CADPS2: variants seen among roughly 807,000 people sequenced by gnomAD.
CADPS2 encodes the protein calcium-dependent secretion activator 2.
CADPS2 carries 93 observed loss-of-function variants against 172.5 expected under a neutral mutation model. The ratio of observed to expected loss-of-function variants is 0.54; its 90% CI spans 0.46 to 0.64. The LOEUF (loss-of-function observed/expected upper bound fraction) is 0.64. Among genes scored for constraint, CADPS2 ranks in the 30% least tolerant of loss-of-function variants. CADPS2 has a pLI of 0.00. For synonymous variants in CADPS2, 546 were observed against 555.2 expected, an observed-to-expected ratio of 0.98 and a Z score of 0.23; for missense variants, 1,420 against 1,565.9, an observed-to-expected ratio of 0.91 and a Z score of 1.57.
At chr7:122,523,226 A>C (rs2060951448) in intron 8 of CADPS2, among the ~76,000 whole-genome samples, 1 of 152,174 alleles carries the variant, frequency 6.6e-6, no homozygotes, top group Non-Finnish European at 1.5e-5. Flanking sequence ...TATCTTCTCC[A>C]GCATTTTACA....
intron 1 of CADPS2, among the ~76,000 whole-genome samples, chr7:122,812,480 GC>G (rs571479821): frequency 7.2e-5 from 11 of 151,750 alleles, no homozygotes; most frequent in Non-Finnish European, 1.5e-4. Context: ...AGAGGCTCTG[GC>G]CCAGCAGCTA....
At chr7:122,585,552 T>C (rs1416796538) in intron 6 of CADPS2, 1 of 151,796 alleles carries the variant, frequency 6.6e-6, no homozygotes, top group Non-Finnish European at 1.5e-5. Flanking sequence ...TTCTACTTAA[T>C]TGGCATATTT....
At chr7:122,832,626 T>C (rs1806927049) in intron 1 of CADPS2, among the ~76,000 whole-genome samples, 1 of 152,222 alleles carries the variant, frequency 6.6e-6, no homozygotes, top group Non-Finnish European at 1.5e-5. Flanking sequence ...AGTAATGTTG[T>C]CTGGCTTTAC....
chr7:122,397,397 G>A (rs952605821), intron 20 of CADPS2, among the ~76,000 whole-genome samples: 1 of 142,806 alleles, frequency 7.0e-6, no homozygotes, highest in Non-Finnish European at 1.5e-5. Context: ...AGAGAAAGGG[G>A]AAGGAGGGAG....
chr7:122,323,539 T>C (rs1291301004), intron 29 of CADPS2, among the ~76,000 whole-genome samples: 3 of 151,996 alleles, frequency 2.0e-5, no homozygotes, highest in Non-Finnish European at 4.4e-5. Flanking sequence ...TATATAAAAA[T>C]TTTTACTTTT....
At chr7:122,479,670 T>A (rs916059223) in intron 12 of CADPS2, among the ~76,000 whole-genome samples, 7 of 152,156 alleles carry the variant, frequency 4.6e-5, no homozygotes, top group South Asian at 2.1e-4. Flanking sequence ...ACAATTTTGA[T>A]CAACACAGAA....
intron 11 of CADPS2, among the ~76,000 whole-genome samples, chr7:122,487,230 G>A (rs547110810): frequency 4.0e-5 from 6 of 151,664 alleles, no homozygotes; most frequent in Non-Finnish European, 5.9e-5. Flanking sequence ...GTCTGGTCTC[G>A]AACTCCTGAA....
intron 28 of CADPS2, among the ~76,000 whole-genome samples, chr7:122,325,850 C>T (rs2033728760): frequency 6.6e-6 from 1 of 151,962 alleles, no homozygotes; most frequent in African/African-American, 2.4e-5. Flanking sequence ...AGTGTTTTTG[C>T]ACTTTGCAGC....
intron 2 of CADPS2, among the ~76,000 whole-genome samples, chr7:122,682,317 C>A (rs1006102567): frequency 2.0e-5 from 3 of 152,166 alleles, no homozygotes; most frequent in Admixed American, 6.5e-5. Flanking sequence ...AGCTTCTACA[C>A]GTAGCCACAA....
At position 122,747,806 on chromosome 7, in the gene CADPS2, G is replaced by A. The variant is rs62483578; in HGVS notation, c.340-10738C>T. ...CCTCCCCATTTACCTTCAAAACGCC[G>A]TCCCATTCATGTTGTTTATGTCATT... is the stretch of plus-strand genomic sequence containing the variant. On this transcript the variant is annotated intron_variant, in intron 1 of 29. Coordinates refer to ENST00000449022, the MANE Select transcript of CADPS2 (RefSeq NM_017954.11). Among the ~76,000 whole-genome samples, 452 of 149,908 alleles carry A rather than the reference G, an allele frequency of 3.0e-3. 1 individual carries two copies. The highest frequency in any genetic ancestry group is 4.7e-3 in the Non-Finnish European group (321 of 67,786).
At chr7:122,571,845 T>C (rs979045345) in intron 7 of CADPS2, among the ~76,000 whole-genome samples, 6 of 152,164 alleles carry the variant, frequency 3.9e-5, no homozygotes, top group African/African-American at 1.4e-4. Flanking sequence ...AGTTTATAAG[T>C]AGTTATCATG....
chr7:122,509,631 A>G (rs1310709063), intron 9 of CADPS2, among the ~76,000 whole-genome samples: 1 of 152,172 alleles, frequency 6.6e-6, no homozygotes, highest in East Asian at 1.9e-4. Flanking sequence ...TTGTCTTCAG[A>G]TGAACTGTAG....
intron 1 of CADPS2, among the ~76,000 whole-genome samples, chr7:122,790,355 C>T (rs1234424416): frequency 8.2e-5 from 12 of 146,258 alleles, no homozygotes; most frequent in East Asian, 2.0e-4. Context: ...GGTATGATTG[C>T]GTCACTGCAT....
chr7:122,464,589 G>A (rs557102327), intron 14 of CADPS2, among the ~76,000 whole-genome samples: 16 of 152,042 alleles, frequency 1.1e-4, no homozygotes, highest in East Asian at 1.9e-4. Context: ...GATGTCACGC[G>A]GATATTATGT....
In CADPS2 at chr7:122,338,347, T is replaced by C. The variant is rs142136693; in HGVS notation, c.3612+7227A>G. 1.2e-3 allele frequency among the ~76,000 whole-genome samples: 180 copies of C among 152,282 alleles called. 3 individuals carry two copies. In the East Asian group the frequency reaches 0.024, roughly 21 times the overall value. ...AGGCAGAGGTTACAGTGAGCTGAGA[T>C]TGCGCCACTGCACTCTAGCTTGGGC... On this transcript the variant is annotated intron_variant, in intron 28 of 29. Coordinates refer to ENST00000449022, the MANE Select transcript of CADPS2 (RefSeq NM_017954.11).
At chr7:122,337,591 G>A (rs2036060510) in intron 28 of CADPS2, among the ~76,000 whole-genome samples, 1 of 152,064 alleles carries the variant, frequency 6.6e-6, no homozygotes, top group African/African-American at 2.4e-5. Flanking sequence ...ACCACGTCTG[G>A]ACTTGCCAAA....
chr7:122,481,599 G>A (rs2057314205), intron 11 of CADPS2, among the ~76,000 whole-genome samples: 1 of 151,940 alleles, frequency 6.6e-6, no homozygotes, highest in South Asian at 2.1e-4. Context: ...AATTAGGCAG[G>A]TGTGGTAGCA....
chr7:122,606,176 T>TAC (rs2073510855), intron 6 of CADPS2, among the ~76,000 whole-genome samples: 1 of 152,158 alleles, frequency 6.6e-6, no homozygotes, highest in Admixed American at 6.5e-5. Flanking sequence ...TTTTGAACGG[T>TAC]ACCCTGGAGG....
intron 14 of CADPS2, among the ~76,000 whole-genome samples, chr7:122,471,137 AT>A (rs1437334021): frequency 6.6e-6 from 1 of 151,836 alleles, no homozygotes; most frequent in Non-Finnish European, 1.5e-5. Flanking sequence ...CTAATCTCAT[AT>A]TTTTTCTCTC....
Sources: gnomAD v4.1 joint callset for allele counts (sites outside exome capture counted in the v4.1 genomes callset) on GRCh38, gnomAD v4.1.1 for gene constraint, MANE v1.5 for transcripts, NCBI Gene and HGNC (gene_info 2026-07-23, HGNC 2026-07-21) for gene names.